Variants in KAZN observed in about 807,000 individuals in gnomAD.
KAZN encodes the protein kazrin.
A neutral mutation model predicts 87.4 loss-of-function variants in KAZN; 40 were observed. The ratio of observed to expected loss-of-function variants is 0.46; its 90% CI spans 0.36 to 0.60. KAZN has a LOEUF of 0.60. Among genes scored for constraint, KAZN ranks in the 20% least tolerant of loss-of-function variants. The pLI is 0.00. For synonymous variants in KAZN, 466 were observed against 458.3 expected, an observed-to-expected ratio of 1.02 and a Z score of -0.22; for missense variants, 898 against 1,073.9, an observed-to-expected ratio of 0.84 and a Z score of 2.29.
At chr1:14,028,484 C>T (rs1039158823) in intron 1 of KAZN, among the ~76,000 whole-genome samples, 50 of 152,180 alleles carry the variant, frequency 3.3e-4, no homozygotes, top group Non-Finnish European at 6.0e-4. Flanking sequence ...CACATACTCA[C>T]CTCTGCGTTA....
chr1:14,416,749 AT>A (rs778403374), intron 2 of KAZN, among the ~76,000 whole-genome samples: 6 of 151,978 alleles, frequency 3.9e-5, no homozygotes, highest in Non-Finnish European at 7.4e-5. Flanking sequence ...AGAAAAAAAA[AT>A]AATTGCTTAA....
At chr1:14,662,959 G>GCA (rs200785038) in intron 1 of KAZN, among the ~76,000 whole-genome samples, 13 of 110,420 alleles carry the variant, frequency 1.2e-4, no homozygotes, top group South Asian at 6.5e-4. Context: ...ATATATATAT[G>GCA]CACACATATA....
intron 2 of KAZN, among the ~76,000 whole-genome samples, chr1:14,300,155 G>A (rs763783767): frequency 1.3e-5 from 2 of 152,164 alleles, no homozygotes; most frequent in Admixed American, 6.5e-5. Context: ...TGAGGAAGGA[G>A]GAGAGCAGGA....
rs181188087 is a variant in KAZN at position 14,665,641 on chromosome 1, A to G, written c.226+66418A>G. Among the ~76,000 whole-genome samples the G allele has an allele frequency of 3.9e-3, 597 of 152,156 alleles. 3 individuals carry two copies. Among genetic ancestry groups the G allele is most frequent in the Non-Finnish European group, 5.3e-3 (360 of 67,994 alleles). On this transcript the variant is annotated intron_variant, in intron 1 of 14. Coordinates refer to ENST00000376030, the MANE Select transcript of KAZN (RefSeq NM_201628.3). ...AATCAGGGCCAGAACCTCTCAGTGT[A>G]TCCGTTTCCCTGATATGAAAAGTGG...
chr1:14,444,379 C>T (rs1418413325), intron 2 of KAZN, among the ~76,000 whole-genome samples: 1 of 132,766 alleles, frequency 7.5e-6, no homozygotes, highest in Non-Finnish European at 1.5e-5. Context: ...ATGGCACAAT[C>T]TTGGCTCACC....
At chr1:14,311,395 C>T (rs1324752708) in intron 2 of KAZN, among the ~76,000 whole-genome samples, 1 of 152,116 alleles carries the variant, frequency 6.6e-6, no homozygotes, top group Non-Finnish European at 1.5e-5. Context: ...ACAATAAGTT[C>T]CCAATAAGAT....
At chr1:14,362,083 C>T (rs1424327199) in intron 2 of KAZN, among the ~76,000 whole-genome samples, 2 of 152,154 alleles carry the variant, frequency 1.3e-5, no homozygotes, top group Admixed American at 6.5e-5. Flanking sequence ...GACAATATTA[C>T]CATAAACTTA....
rs12036148 is a variant in KAZN, at chr1:15,093,404, G to A, written c.1223-776G>A. 9.5e-3 allele frequency among the ~76,000 whole-genome samples: 1,445 copies of A among 152,054 alleles called. 39 individuals are homozygous for A. Among genetic ancestry groups the A allele is most frequent in the East Asian group, 0.083 (430 of 5,162 alleles). On this transcript the variant is annotated intron_variant, in intron 8 of 14. Transcript: ENST00000376030. ...GTATTTGTCAAAGTTAAGGACGCGC[G>A]CCCAGGAGACAGGTCTGTGCCTTTC...
chr1:14,991,995 C>T (rs1303124589), intron 2 of KAZN, among the ~76,000 whole-genome samples: 1 of 152,168 alleles, frequency 6.6e-6, no homozygotes, highest in Non-Finnish European at 1.5e-5. Context: ...TCACTGTGGC[C>T]TCCAGAATAC....
intron 2 of KAZN, among the ~76,000 whole-genome samples, chr1:14,242,852 C>A (rs75254496): frequency 6.6e-6 from 1 of 152,060 alleles, no homozygotes; most frequent in African/African-American, 2.4e-5. Flanking sequence ...TGTAGAATCC[C>A]GGCCCTTGTC....
chr1:14,139,927 ATG>A (rs541192220), intron 1 of KAZN, among the ~76,000 whole-genome samples: 5,804 of 136,490 alleles, frequency 0.043, 129 homozygotes, highest in Non-Finnish European at 0.056. Context: ...TTTGAGGTAA[ATG>A]TGTGTGTGTG....
intron 2 of KAZN, among the ~76,000 whole-genome samples, chr1:14,968,833 C>A (rs1015567367): frequency 2.6e-5 from 4 of 152,170 alleles, no homozygotes; most frequent in African/African-American, 9.7e-5. Flanking sequence ...GCTTCCCTAC[C>A]CCAAAGCTTG....
chr1:14,394,156 G>C (rs1306122968), intron 2 of KAZN, among the ~76,000 whole-genome samples: 2 of 152,220 alleles, frequency 1.3e-5, no homozygotes, highest in African/African-American at 4.8e-5. Flanking sequence ...AGGTGGGCTT[G>C]GTTAGTGCGT....
At chr1:14,241,841 TA>T in intron 2 of KAZN, among the ~76,000 whole-genome samples, 1 of 152,296 alleles carries the variant, frequency 6.6e-6, no homozygotes, top group Admixed American at 6.5e-5. Context: ...ATCTGTCTCT[TA>T]AAAAAATTCC....
chr1:14,654,572 C>G (rs1638669698), intron 1 of KAZN, among the ~76,000 whole-genome samples: 1 of 152,150 alleles, frequency 6.6e-6, no homozygotes, highest in African/African-American at 2.4e-5. Context: ...CCCAGCCTCC[C>G]ACATTTCCAG....
intron 1 of KAZN, among the ~76,000 whole-genome samples, chr1:14,883,427 A>AAAGAAAGAAAG (rs1557586907): frequency 8.1e-6 from 1 of 122,956 alleles, no homozygotes; most frequent in African/African-American, 3.4e-5. Context: ...AAGAAAGAAA[A>AAAGAAAGAAAG]GCGGTTCTTG....
intron 2 of KAZN, among the ~76,000 whole-genome samples, chr1:14,971,943 A>G (rs1395470774): frequency 1.3e-5 from 2 of 152,114 alleles, no homozygotes; most frequent in African/African-American, 4.8e-5. Flanking sequence ...GGCATTGAGC[A>G]TGCTCCAGCC....
chr1:14,789,095 A>G (rs781477983), intron 1 of KAZN, among the ~76,000 whole-genome samples: 4 of 152,166 alleles, frequency 2.6e-5, no homozygotes, highest in Non-Finnish European at 4.4e-5. Flanking sequence ...AGGGTCTTAC[A>G]TGTCGGGAGC....
chr1:14,745,918 C>G (rs989676166), intron 1 of KAZN, among the ~76,000 whole-genome samples: 4 of 152,100 alleles, frequency 2.6e-5, no homozygotes, highest in Admixed American at 2.0e-4. Context: ...CTGGGCGAAC[C>G]GTTCTGCTGG....
Sources: allele counts gnomAD v4.1 joint callset (sites outside exome capture counted in the v4.1 genomes callset), GRCh38; gene constraint gnomAD v4.1.1; transcripts MANE v1.5; gene names NCBI Gene and HGNC (gene_info 2026-07-23, HGNC 2026-07-21).